Variants in DAGLA observed in about 807,000 individuals in gnomAD.
The protein encoded by DAGLA is diacylglycerol lipase-alpha.
In DAGLA, 22 loss-of-function variants were observed where a neutral mutation model predicts 102.6. That is an observed-to-expected ratio of 0.21 (90% CI 0.15 to 0.31). DAGLA has a LOEUF of 0.31. Among genes scored for constraint, DAGLA ranks in the 10% least tolerant of loss-of-function variants. The pLI is 1.00. For synonymous variants in DAGLA, 578 were observed against 628.9 expected (o/e 0.92, Z 1.21); for missense variants, 927 against 1,446.6 (o/e 0.64, Z 5.83).
chr11:61,734,702 T>C lies in DAGLA; in HGVS notation c.975-147T>C. On this transcript the variant is annotated intron_variant, in intron 9 of 19. Coordinates refer to ENST00000257215, the MANE Select transcript of DAGLA (RefSeq NM_006133.3). This position sits in a 1 kb window ranked among gnomAD's most constrained non-coding sequence, Gnocchi z 4.2. Reference sequence around the variant, plus strand: ...AGAGTGGCCAGTGGATTTGGTGACGTGGGGGTCACTAGGACTTAGCAAGGG... The same window carrying C: ...AGAGTGGCCAGTGGATTTGGTGACGCGGGGGTCACTAGGACTTAGCAAGGG... 1.5e-6 allele frequency: 1 copy of C among 685,386 alleles called. No homozygotes were observed. The highest frequency in any genetic ancestry group is 2.5e-6 in the Non-Finnish European group (1 of 406,330). 42.5% of individuals were successfully genotyped at this position (685,386 alleles called of 1,614,324 possible). A position where few individuals can be genotyped will look rare whatever the true frequency, so the allele number is the denominator to read the frequency against.
intron 1 of DAGLA, among the ~76,000 whole-genome samples, chr11:61,703,503 C>T (rs761850440): frequency 7.9e-5 from 12 of 152,184 alleles, no homozygotes; most frequent in African/African-American, 9.7e-5. Flanking sequence ...GCGTTCGGCA[C>T]GCCTGGCCTG....
rs184312653 is a variant in DAGLA, at chr11:61,688,600, G to A, written c.-45+8096G>A. On this transcript the variant is annotated intron_variant, in intron 1 of 19. Coordinates refer to ENST00000257215, the MANE Select transcript of DAGLA (RefSeq NM_006133.3). The stretch of plus-strand genomic sequence containing the variant: ...GAGCAGTGCCTGGGTCCTTGGAGGC[G>A]GTCCCTCCCACTCTGGGCGCCTGGA... 2.8e-4 allele frequency among the ~76,000 whole-genome samples: 43 copies of A among 152,310 alleles called. No homozygotes were observed. In the East Asian group the frequency reaches 7.3e-3, roughly 26 times the overall value.
At chr11:61,712,822 A>C (rs1262273170) in intron 1 of DAGLA, among the ~76,000 whole-genome samples, 1 of 152,154 alleles carries the variant, frequency 6.6e-6, no homozygotes, top group East Asian at 1.9e-4. Context: ...TGTGGGTCCT[A>C]CTGTCTCTGT....
intron 9 of DAGLA, among the ~76,000 whole-genome samples, chr11:61,733,060 C>G (rs1482973351): frequency 6.6e-6 from 1 of 152,240 alleles, no homozygotes; most frequent in Non-Finnish European, 1.5e-5. Context: ...TATTAAGAAC[C>G]TATTATAGGC....
chr11:61,742,664 G>T (rs1201103034), intron 19 of DAGLA, among the ~76,000 whole-genome samples: 2 of 152,162 alleles, frequency 1.3e-5, no homozygotes, highest in East Asian at 3.9e-4. Flanking sequence ...TGAGATCCCT[G>T]GGAGTGGCAC....
At chr11:61,689,058 G>A (rs1383897975) in intron 1 of DAGLA, among the ~76,000 whole-genome samples, 2 of 152,270 alleles carry the variant, frequency 1.3e-5, no homozygotes, top group Non-Finnish European at 1.5e-5. Flanking sequence ...CTACTGTTAG[G>A]GGATGTTTTG....
intron 5 of DAGLA, among the ~76,000 whole-genome samples, chr11:61,725,434 A>G (rs1457357743): frequency 6.6e-6 from 1 of 152,150 alleles, no homozygotes; most frequent in Non-Finnish European, 1.5e-5. Flanking sequence ...GATCCAAGGA[A>G]TTGGGAAATG....
intron 1 of DAGLA, among the ~76,000 whole-genome samples, chr11:61,710,884 T>C (rs986075773): frequency 6.6e-6 from 1 of 152,232 alleles, no homozygotes; most frequent in South Asian, 2.1e-4. Context: ...TCACTCACTA[T>C]GAAGTGAGTA....
rs766690924 is a variant in DAGLA at position 61,744,288 on chromosome 11, T to C, written c.2928T>C (p.Phe976=). The C allele has an allele frequency of 1.2e-6, 2 of 1,612,786 alleles. No individual in the cohort carries two copies. Among genetic ancestry groups the C allele is most frequent in the South Asian group, 2.2e-5 (2 of 91,078 alleles). ...PNLVPKPPRL[F]AGSADPSSGI... ...TGGTGCCCAAGCCCCCACGGCTCTT[T>C]GCCGGCTCAGCCGACCCCTCCTCGG... Residue 976 remains phenylalanine, a synonymous_variant, in exon 20 of 20, where the codon TTT becomes TTC. Transcript: ENST00000257215.
chr11:61,709,157 AG>A (rs2065173951), intron 1 of DAGLA, among the ~76,000 whole-genome samples: 1 of 152,186 alleles, frequency 6.6e-6, no homozygotes, highest in African/African-American at 2.4e-5. Context: ...AAACTCTAAA[AG>A]TCCAGACTAG....
Position 61,735,761 on chromosome 11 carries a change from G to T in DAGLA, c.1235G>T (p.Gly412Val). The change falls in exon 12 of 20, where the codon GGT (glycine) becomes GTT (valine). Residue 412 changes from glycine (G) to valine (V), a missense_variant. Physicochemically the swap from Gly to Val is moderately radical, Grantham distance 109. Transcript: ENST00000257215. ...SPKDALTDLT[G>V]DAERLPVEGH... is the part of the protein sequence containing the mutation. ...AAGGATGCCCTGACTGACCTGACGG[G>T]TGATGCTGAGCGCCTCCCCGTGGAG... is the stretch of plus-strand genomic sequence containing the variant. The T allele has an allele frequency of 6.2e-7, 1 of 1,613,450 alleles. No individual in the cohort carries two copies. The highest frequency in any genetic ancestry group is 8.5e-7 in the Non-Finnish European group (1 of 1,179,768).
chr11:61,683,925 G>C (rs1014545615), intron 1 of DAGLA, among the ~76,000 whole-genome samples: 1 of 152,194 alleles, frequency 6.6e-6, no homozygotes. Context: ...CTGGTCCCCA[G>C]TCATATTCCC....
At chr11:61,693,589 C>T (rs969869409) in intron 1 of DAGLA, among the ~76,000 whole-genome samples, 11 of 152,148 alleles carry the variant, frequency 7.2e-5, no homozygotes, top group African/African-American at 1.4e-4. Context: ...TCTTGTGGTC[C>T]GCCTCCCTCG....
intron 19 of DAGLA, among the ~76,000 whole-genome samples, chr11:61,741,692 A>G (rs2065482116): frequency 6.7e-6 from 1 of 149,666 alleles, no homozygotes; most frequent in East Asian, 2.0e-4. Flanking sequence ...GCTCACTGCA[A>G]CCTCCACCTC....
intron 6 of DAGLA, among the ~76,000 whole-genome samples, chr11:61,726,604 G>A (rs1275459012): frequency 6.6e-6 from 1 of 152,194 alleles, no homozygotes; most frequent in East Asian, 1.9e-4. Flanking sequence ...GGCAGGCCCC[G>A]GGATCATCCA....
At chr11:61,738,839 C>T (rs955282164) in intron 16 of DAGLA, among the ~76,000 whole-genome samples, 1 of 152,072 alleles carries the variant, frequency 6.6e-6, no homozygotes, top group Non-Finnish European at 1.5e-5. Flanking sequence ...CCCCCCGCCC[C>T]CTGCCCCGGG....
rs1003104357 is a variant in DAGLA at position 61,723,057 on chromosome 11, G to A, written c.409+97G>A. 3.1e-5 allele frequency: 32 copies of A among 1,035,172 alleles called. No homozygotes were observed. In the African/African-American group the frequency reaches 4.6e-4, roughly 15 times the overall value. 64.1% of individuals were successfully genotyped at this position (1,035,172 alleles called of 1,614,324 possible). A position where few individuals can be genotyped will look rare whatever the true frequency, so the allele number is the denominator to read the frequency against. On this transcript the variant is annotated intron_variant, in intron 4 of 19. Coordinates refer to ENST00000257215, the MANE Select transcript of DAGLA (RefSeq NM_006133.3). ...GAAGAAGCTTGGGCATTGCCAGAGG[G>A]CAGTGCCTTCTGTGGGGGCACCAGC...
At chr11:61,707,361 G>T (rs574318485) in intron 1 of DAGLA, among the ~76,000 whole-genome samples, 38 of 152,366 alleles carry the variant, frequency 2.5e-4, no homozygotes, top group African/African-American at 8.4e-4. Flanking sequence ...TGGGTCAGTG[G>T]CCTTGCTCAG....
chr11:61,716,941 G>C lies in DAGLA; in HGVS notation c.-44-3171G>C, dbSNP rs147702394. 1.0e-3 allele frequency among the ~76,000 whole-genome samples: 158 copies of C among 152,200 alleles called. 2 individuals carry two copies. The highest frequency in any genetic ancestry group is 3.7e-3 in the African/African-American group (153 of 41,534). ...CCTGGCACCCCATTCACACTTGCCT[G>C]TGCTGGGGGTCCAACCAGAGGCAGG... is the stretch of plus-strand genomic sequence containing the variant. On this transcript the variant is annotated intron_variant, in intron 1 of 19. Coordinates refer to ENST00000257215, the MANE Select transcript of DAGLA (RefSeq NM_006133.3).
Sources: allele counts gnomAD v4.1 joint callset (sites outside exome capture counted in the v4.1 genomes callset), GRCh38; gene constraint gnomAD v4.1.1; non-coding constraint Gnocchi (gnomAD v3.1); transcripts MANE v1.5; gene names NCBI Gene and HGNC (gene_info 2026-07-23, HGNC 2026-07-21).